The following NOVA1 variants were observed in gnomAD, a reference collection of about 807,000 sequenced individuals.
NOVA1 encodes NOVA alternative splicing regulator 1.
Under a neutral mutation model 38.0 loss-of-function variants are expected in NOVA1, and 7 were observed. The ratio of observed to expected loss-of-function variants is 0.18; its 90% CI spans 0.10 to 0.35. NOVA1 has a LOEUF of 0.35. Ranked by LOEUF, NOVA1 falls within the 10% of genes least tolerant of loss-of-function variation. NOVA1 has a pLI of 1.00. For synonymous variants in NOVA1, 270 were observed against 232.5 expected, an observed-to-expected ratio of 1.16 and a Z score of -1.47; for missense variants, 460 against 616.0, an observed-to-expected ratio of 0.75 and a Z score of 2.68.
At chr14:26,555,071 A>G (rs1406828164) in intron 2 of NOVA1, among the ~76,000 whole-genome samples, 2 of 152,158 alleles carry the variant, frequency 1.3e-5, no homozygotes, top group Non-Finnish European at 2.9e-5. Flanking sequence ...ACAGAAGGAA[A>G]GACTAAAAAA....
intron 2 of NOVA1, chr14:26,593,435 A>G (rs1893985538): frequency 6.6e-6 from 1 of 151,898 alleles, no homozygotes. Flanking sequence ...AACTGTTCAG[A>G]ATTCTTTAAG....
At chr14:26,485,892 A>T (rs1885848377) in intron 2 of NOVA1, among the ~76,000 whole-genome samples, 1 of 152,184 alleles carries the variant, frequency 6.6e-6, no homozygotes, top group South Asian at 2.1e-4. Context: ...ACAAAAATGT[A>T]GTAGAAAATT....
intron 2 of NOVA1, among the ~76,000 whole-genome samples, chr14:26,495,443 T>C (rs1460333050): frequency 6.6e-6 from 1 of 152,326 alleles, no homozygotes; most frequent in African/African-American, 2.4e-5. Context: ...TAACTATTCA[T>C]TTAATGAAAT....
chr14:26,457,768 G>T (rs1883302161), intron 4 of NOVA1, among the ~76,000 whole-genome samples: 1 of 152,170 alleles, frequency 6.6e-6, no homozygotes, highest in African/African-American at 2.4e-5. Context: ...AAGTAATCCA[G>T]AAGAACACAT....
At chr14:26,585,211 C>T (rs1025874916) in intron 2 of NOVA1, among the ~76,000 whole-genome samples, 1 of 151,240 alleles carries the variant, frequency 6.6e-6, no homozygotes, top group African/African-American at 2.4e-5. Flanking sequence ...CATATATTTA[C>T]AAAGTATGTA....
intron 4 of NOVA1, among the ~76,000 whole-genome samples, chr14:26,454,645 G>GT (rs1377992105): frequency 2.6e-5 from 4 of 152,058 alleles, no homozygotes; most frequent in Non-Finnish European, 5.9e-5. Context: ...TCTATAATTT[G>GT]TAACTGACCA....
At chr14:26,516,035 A>G (rs1201599079) in intron 2 of NOVA1, among the ~76,000 whole-genome samples, 2 of 152,128 alleles carry the variant, frequency 1.3e-5, no homozygotes, top group African/African-American at 4.8e-5. Flanking sequence ...ATGAGAGTTA[A>G]TCCACATTCT....
In NOVA1 at chr14:26,443,359, T is replaced by G. The variant is rs928244273; in HGVS notation, c.*4600A>C. The G allele has an allele frequency of 6.6e-6, 1 of 152,098 alleles. No homozygotes were observed. Among genetic ancestry groups the G allele is most frequent in the East Asian group, 1.9e-4 (1 of 5,164 alleles). The allele number at this position is 152,098 out of a possible 1,614,324, so 9.4% of individuals were successfully genotyped here. On this transcript the variant is annotated 3_prime_UTR_variant, in exon 5 of 5. Transcript: ENST00000539517. ...TAAAAAAATAATCTAATCAAAATAT[T>G]GAATACTTTAGAATTAAACAATATT... is the stretch of plus-strand genomic sequence containing the variant.
intron 2 of NOVA1, among the ~76,000 whole-genome samples, chr14:26,506,958 A>G (rs1887682478): frequency 6.6e-6 from 1 of 152,178 alleles, no homozygotes; most frequent in African/African-American, 2.4e-5. Context: ...TTCCAGAATG[A>G]TTTTATTTAA....
At chr14:26,522,978 T>C (rs1189226710) in intron 2 of NOVA1, among the ~76,000 whole-genome samples, 1 of 152,196 alleles carries the variant, frequency 6.6e-6, no homozygotes, top group African/African-American at 2.4e-5. Flanking sequence ...ATTAGTGTTT[T>C]CTTAACTCAG....
At chr14:26,530,317 T>G (rs974702753) in intron 2 of NOVA1, among the ~76,000 whole-genome samples, 133 of 152,298 alleles carry the variant, frequency 8.7e-4, no homozygotes, top group Non-Finnish European at 1.6e-3. Context: ...TTATGGTATA[T>G]TCATCCTATT....
intron 2 of NOVA1, among the ~76,000 whole-genome samples, chr14:26,590,217 T>TG (rs1259103297): frequency 6.6e-6 from 1 of 151,936 alleles, no homozygotes; most frequent in Non-Finnish European, 1.5e-5. Context: ...GCTGCAATGA[T>TG]GAGTCCCAGA....
chr14:26,469,974 T>G (rs1043829397), intron 4 of NOVA1: 1 of 161,012 alleles, frequency 6.2e-6, no homozygotes, highest in Admixed American at 6.4e-5. Flanking sequence ...AGTCAGAGTC[T>G]GTCAGTCTGA....
At chr14:26,471,450 A>AT (rs1302234171) in intron 4 of NOVA1, among the ~76,000 whole-genome samples, 1 of 151,174 alleles carries the variant, frequency 6.6e-6, no homozygotes, top group African/African-American at 2.5e-5. Flanking sequence ...GCCTTTTATT[A>AT]TTAAAAAAAG....
rs187200449 is a variant in NOVA1, at chr14:26,456,966, C to T, written c.520-8003G>A. ...ATATACACACACACACAAATATATACACACACACACACATATATATATATG... is the reference window on the plus strand; with the variant it reads ...ATATACACACACACACAAATATATATACACACACACACATATATATATATG... On this transcript the variant is annotated intron_variant, in intron 4 of 4. Transcript: ENST00000539517. Among the ~76,000 whole-genome samples the T allele has an allele frequency of 3.4e-3, 476 of 141,532 alleles. 1 individual carries two copies. Among genetic ancestry groups the T allele is most frequent in the African/African-American group, 0.011 (397 of 36,956 alleles). The allele number at this position is 141,532 out of a possible 152,430, so 92.9% of individuals were successfully genotyped here.
At chr14:26,472,640 CAT>C (rs1356028293) in intron 3 of NOVA1, among the ~76,000 whole-genome samples, 2 of 151,546 alleles carry the variant, frequency 1.3e-5, no homozygotes, top group Non-Finnish European at 2.9e-5. Flanking sequence ...TAAAAATTCA[CAT>C]GAGTACTAAA....
chr14:26,576,444 T>C (rs776680080), intron 2 of NOVA1, among the ~76,000 whole-genome samples: 1 of 151,748 alleles, frequency 6.6e-6, no homozygotes, highest in Admixed American at 6.6e-5. Context: ...ATGTACAGTA[T>C]CTCAAAATAT....
intron 2 of NOVA1, among the ~76,000 whole-genome samples, chr14:26,503,628 T>TA (rs1887406701): frequency 3.3e-5 from 5 of 151,782 alleles, no homozygotes; most frequent in African/African-American, 1.2e-4. Context: ...TCATTTTTTT[T>TA]TAAAAATTAA....
intron 4 of NOVA1, chr14:26,471,970 G>T: frequency 6.1e-6 from 2 of 325,930 alleles, no homozygotes; most frequent in Non-Finnish European, 1.1e-5. Flanking sequence ...TTACATATAT[G>T]ATATCCTTAA....
Sources: allele counts gnomAD v4.1 joint callset (sites outside exome capture counted in the v4.1 genomes callset), GRCh38; gene constraint gnomAD v4.1.1; transcripts MANE v1.5; gene names NCBI Gene and HGNC (gene_info 2026-07-23, HGNC 2026-07-21).